Variants in FNBP4 observed in about 807,000 individuals in gnomAD.
The protein encoded by FNBP4 is formin-binding protein 4.
In FNBP4, 34 loss-of-function variants were observed where a neutral mutation model predicts 119.3. That is an observed-to-expected ratio of 0.28 (90% CI 0.22 to 0.38). FNBP4 has a LOEUF of 0.38. Ranked by LOEUF, FNBP4 falls within the 10% of genes least tolerant of loss-of-function variation. FNBP4 has a pLI of 1.00. For synonymous variants in FNBP4, 462 were observed against 430.6 expected (o/e 1.07, Z -0.90); for missense variants, 1,112 against 1,228.9 (o/e 0.90, Z 1.42).
intron 8 of FNBP4, among the ~76,000 whole-genome samples, chr11:47,741,919 A>G (rs1159219441): frequency 1.3e-5 from 2 of 152,006 alleles, no homozygotes; most frequent in African/African-American, 2.4e-5. Context: ...AAATGCAGCA[A>G]TTTTTTTTAG....
rs773834222 is a variant in FNBP4, at chr11:47,736,712, TA to T, written c.1484del (p.Ile495LysfsTer11). On this transcript the variant is annotated frameshift_variant, in exon 9 of 17. Coordinates refer to ENST00000263773, the MANE Select transcript of FNBP4 (RefSeq NM_015308.5). LOFTEE classifies it high-confidence loss of function. ...CCATCTCTTTATCTGAATTCTCATC[TA>T]TTTTTTCTGAATTTTCAGCACCAAT... The part of the protein sequence containing the change: ...TAIGAENSEK[I>X]DENSDKEMEV... The T allele has an allele frequency of 6.2e-7, 1 of 1,603,902 alleles. No homozygotes were observed. The highest frequency in any genetic ancestry group is 8.5e-7 in the Non-Finnish European group (1 of 1,173,096).
At chr11:47,734,167 C>T (rs751579288) in intron 9 of FNBP4, 38 bp from the exon 10 acceptor site, 36 of 1,192,582 alleles carry the variant, frequency 3.0e-5, no homozygotes, top group African/African-American at 1.2e-4. Context: ...AACTAGAATC[C>T]GTAACATTTT....
chr11:47,754,394 A>C (rs2097611474), intron 3 of FNBP4, 134 bp downstream of exon 3: 1 of 840,854 alleles, frequency 1.2e-6, no homozygotes, highest in East Asian at 2.5e-5. Context: ...AGATCGGGAG[A>C]AATACAAGAG....
chr11:47,721,123 C>T (rs1388599143), intron 15 of FNBP4, among the ~76,000 whole-genome samples: 1 of 151,156 alleles, frequency 6.6e-6, no homozygotes, highest in African/African-American at 2.4e-5. Flanking sequence ...TGATCGAGAC[C>T]ATCCTAGCTA....
At position 47,732,877 on chromosome 11, in the gene FNBP4, G is replaced by A. The variant is rs1304583853; in HGVS notation, c.1687-207C>T. 1.3e-5 allele frequency among the ~76,000 whole-genome samples: 2 copies of A among 152,146 alleles called. No homozygotes were observed. The highest frequency in any genetic ancestry group is 4.8e-5 in the African/African-American group (2 of 41,442). ...TCACGCCTGTAATCCCAGCACTTTG[G>A]GAGGCTGAGGCGGGTGGATCACCTG... On this transcript the variant is annotated intron_variant, in intron 10 of 16. Transcript: ENST00000263773. This position sits in a 1 kb window ranked among gnomAD's most constrained non-coding sequence, Gnocchi z 4.2.
chr11:47,739,252 A>C lies in FNBP4; in HGVS notation c.1457-2512T>G, dbSNP rs1023355565. Among the ~76,000 whole-genome samples the C allele has an allele frequency of 7.9e-5, 12 of 152,060 alleles. No homozygotes were observed. The East Asian group carries it at 2.1e-3, about 27-fold the overall frequency. ...GCCTAAAACTTTTTATTAAGTCCTT[A>C]ACCTTATAATATAATAGCCTGGCTC... On this transcript the variant is annotated intron_variant, in intron 8 of 16. Coordinates refer to ENST00000263773, the MANE Select transcript of FNBP4 (RefSeq NM_015308.5).
At chr11:47,746,856 A>G (rs1333065153) in intron 6 of FNBP4, among the ~76,000 whole-genome samples, 1 of 152,108 alleles carries the variant, frequency 6.6e-6, no homozygotes, top group Non-Finnish European at 1.5e-5. Context: ...ATACCATTAC[A>G]TTATTACTTT....
intron 2 of FNBP4, among the ~76,000 whole-genome samples, chr11:47,761,596 C>A (rs199677134): frequency 6.8e-6 from 1 of 147,092 alleles, no homozygotes; most frequent in African/African-American, 2.5e-5. Flanking sequence ...CATCTCAAAG[C>A]AAAAAAAAAA....
intron 15 of FNBP4, 94 bp from the exon 16 acceptor site, chr11:47,720,180 A>G: frequency 8.6e-7 from 1 of 1,165,168 alleles, no homozygotes; most frequent in Non-Finnish European, 1.2e-6. Context: ...TCCCAGTTCT[A>G]AAGAATATGC....
In FNBP4 at chr11:47,767,307, C is replaced by A. The variant is rs753381128; in HGVS notation, c.-19G>T. On this transcript the variant is annotated 5_prime_UTR_variant, in exon 1 of 17. Transcript: ENST00000263773. The stretch of plus-strand genomic sequence containing the variant: ...TCCCCATCGCGAGCCCAAGCGCGAG[C>A]AGAGAGCGTCGGGCGGCCGAGAGGG... 3 of 1,477,172 alleles carry A rather than the reference C, an allele frequency of 2.0e-6. No homozygotes were observed. The South Asian group carries it at 4.0e-5, about 20-fold the overall frequency. The allele number at this position is 1,477,172 out of a possible 1,614,324, so 91.5% of individuals were successfully genotyped here. A position where few individuals can be genotyped will look rare whatever the true frequency, so the allele number is the denominator to read the frequency against.
At chr11:47,729,186 C>T in intron 12 of FNBP4, 2 of 985,328 alleles carry the variant, frequency 2.0e-6, no homozygotes, top group Non-Finnish European at 2.4e-6. Context: ...GAAAGCCTTC[C>T]TTAATTTTCC....
At chr11:47,724,226 C>T (rs763136740) in intron 13 of FNBP4, 54 bp from the exon 14 acceptor site, 34 of 1,593,816 alleles carry the variant, frequency 2.1e-5, no homozygotes, top group Non-Finnish European at 2.6e-5. Context: ...AAACATAGCC[C>T]GCTCCCACCT....
chr11:47,722,082 T>C (rs2097556413), intron 15 of FNBP4, among the ~76,000 whole-genome samples: 1 of 135,926 alleles, frequency 7.4e-6, no homozygotes, highest in African/African-American at 2.6e-5. Flanking sequence ...CATAGATTTA[T>C]TTTTCCCTTA....
At chr11:47,735,436 A>T (rs1486431784) in intron 9 of FNBP4, among the ~76,000 whole-genome samples, 1 of 152,212 alleles carries the variant, frequency 6.6e-6, no homozygotes, top group Non-Finnish European at 1.5e-5. Context: ...ACCACCCTTA[A>T]ATAGCTAATA....
At position 47,732,693 on chromosome 11, in the gene FNBP4, T is replaced by C. The variant is rs1599179106; in HGVS notation, c.1687-23A>G. 2 of 1,609,850 alleles carry C rather than the reference T, an allele frequency of 1.2e-6. No individual in the cohort carries two copies. Among genetic ancestry groups the C allele is most frequent in the Non-Finnish European group, 8.5e-7 (1 of 1,176,108 alleles). The stretch of plus-strand genomic sequence containing the variant: ...AGTCTAGAATAAACAGACAAATAAG[T>C]TAAAGACTTATTATTACATGTCAGG... On this transcript the variant is annotated intron_variant, in intron 10 of 16. Coordinates refer to ENST00000263773, the MANE Select transcript of FNBP4 (RefSeq NM_015308.5). This position sits in a 1 kb window ranked among gnomAD's most constrained non-coding sequence, Gnocchi z 4.2.
chr11:47,753,182 A>C, intron 3 of FNBP4, 80 bp from the exon 4 acceptor site: 1 of 1,216,948 alleles, frequency 8.2e-7, no homozygotes, highest in South Asian at 1.6e-5. Context: ...ACTTTTTAAA[A>C]ATTCTACATG....
rs34848619 is a variant in FNBP4 at position 47,765,567 on chromosome 11, CGGGGG to C, written c.221-210_221-206del. Among the ~76,000 whole-genome samples the C allele has an allele frequency of 5.5e-4, 20 of 36,404 alleles. 5 individuals are homozygous for C. The highest frequency in any genetic ancestry group is 5.0e-3 in the East Asian group (9 of 1,794). The allele number at this position is 36,404 out of a possible 152,430, so 23.9% of individuals were successfully genotyped here. On this transcript the variant is annotated intron_variant, in intron 1 of 16. Coordinates refer to ENST00000263773, the MANE Select transcript of FNBP4 (RefSeq NM_015308.5). ...ATCCCAGCACTTTGGGAGGCCAAGACGGGGGGGGGGGGGGGCCACTTGAGGTCAGG... is the reference window on the plus strand; with the variant it reads ...ATCCCAGCACTTTGGGAGGCCAAGACGGGGGGGGGGCCACTTGAGGTCAGG...
chr11:47,760,151 C>T (rs1438603477), intron 2 of FNBP4, among the ~76,000 whole-genome samples: 1 of 151,724 alleles, frequency 6.6e-6, no homozygotes, highest in African/African-American at 2.4e-5. Flanking sequence ...CACCTATGGA[C>T]AAACTTCTTC....
intron 12 of FNBP4, chr11:47,730,283 A>T (rs1754279425): frequency 3.1e-6 from 3 of 967,550 alleles, no homozygotes; most frequent in Admixed American, 6.2e-5. Flanking sequence ...AAATCTCTTC[A>T]TGTAAAAGGG....
Sources: allele counts gnomAD v4.1 joint callset (sites outside exome capture counted in the v4.1 genomes callset), GRCh38; gene constraint gnomAD v4.1.1; non-coding constraint Gnocchi (gnomAD v3.1); transcripts MANE v1.5; gene names NCBI Gene and HGNC (gene_info 2026-07-23, HGNC 2026-07-21).